Variants in ADCY9 observed in about 807,000 individuals in gnomAD.
The protein encoded by ADCY9 is adenylate cyclase 9.
A neutral mutation model predicts 101.5 loss-of-function variants in ADCY9; 50 were observed. The observed-to-expected ratio is 0.49, with a 90% CI of 0.39 to 0.62. The LOEUF (loss-of-function observed/expected upper bound fraction) is 0.62, where lower values mean the gene tolerates loss of function less well. ADCY9 is among the 20% of genes least tolerant of loss of function. The pLI, the probability that ADCY9 is intolerant of heterozygous loss-of-function variation, is 0.00. For missense variants in ADCY9, 1,662 were observed against 1,800.4 expected (o/e 0.92, Z 1.39); for synonymous variants, 905 against 769.3 (o/e 1.18, Z -2.92).
In ADCY9 at chr16:4,114,088, G is replaced by C. The variant is rs2057131216; in HGVS notation, c.1355C>G (p.Pro452Arg). The C allele has an allele frequency of 6.2e-7, 1 of 1,613,676 alleles. No individual in the cohort carries two copies. Among genetic ancestry groups the C allele is most frequent in the African/African-American group, 1.3e-5 (1 of 74,888 alleles). Residue 452 changes from proline to arginine, a missense_variant, in exon 2 of 11, where the codon CCC becomes CGC. Pro to Arg is a moderately radical substitution (Grantham distance 103). Transcript: ENST00000294016. The surrounding 1 kb of genome is among the most constrained non-coding windows in gnomAD (Gnocchi z 4.3). ...GTAGGCATGGTCGGCCCGGGGCTCG[G>C]GACAGCCCGCCACGCAGTAGTAACA... ...GDCYYCVAGC[P>R]EPRADHAYCC...
chr16:4,106,765 G>A (rs879457091), intron 2 of ADCY9, among the ~76,000 whole-genome samples: 1 of 152,204 alleles, frequency 6.6e-6, no homozygotes, highest in Non-Finnish European at 1.5e-5. Context: ...GATTAATGTG[G>A]GTTGGTTGGT....
intron 7 of ADCY9, among the ~76,000 whole-genome samples, chr16:3,981,621 T>A (rs1056556797): frequency 6.6e-6 from 1 of 151,786 alleles, no homozygotes. Context: ...TGAGATGGAG[T>A]TTTGCTCGTC....
intron 2 of ADCY9, chr16:4,032,644 G>A (rs1442424984): frequency 8.6e-5 from 13 of 151,548 alleles, no homozygotes; most frequent in African/African-American, 2.9e-4. Context: ...CATGTAGCTG[G>A]GATTACAGGT....
intron 2 of ADCY9, among the ~76,000 whole-genome samples, chr16:4,079,226 T>A (rs557456937): frequency 1.3e-5 from 2 of 152,176 alleles, no homozygotes; most frequent in African/African-American, 4.8e-5. Flanking sequence ...TAAATTATAG[T>A]ACATCCCCAG....
chr16:4,056,742 T>C (rs946970632), intron 2 of ADCY9, among the ~76,000 whole-genome samples: 1 of 152,242 alleles, frequency 6.6e-6, no homozygotes, highest in Non-Finnish European at 1.5e-5. Context: ...CTGTGCCTAG[T>C]GCATAGTAAG....
Position 3,966,186 on chromosome 16 carries a change from G to C in ADCY9, c.3651C>G (p.Ser1217Arg). 7 of 1,614,200 alleles carry C rather than the reference G, an allele frequency of 4.3e-6. No homozygotes were observed. Among genetic ancestry groups the C allele is most frequent in the Non-Finnish European group, 5.9e-6 (7 of 1,180,038 alleles). The change falls in exon 11 of 11, where the codon AGC becomes AGG. Residue 1217 changes from serine to arginine, a missense_variant. Physicochemically the swap from Ser to Arg is moderately radical, Grantham distance 110. Around this residue, in one of 5 missense-constraint regions of ADCY9, gnomAD observed 220 missense variants for 312.9 expected, o/e 0.70. Transcript: ENST00000294016. ...QVSEESYRVL[S>R]KMGYDFDYRG... The stretch of plus-strand genomic sequence containing the variant: ...TGTAGTCGAAGTCATAGCCCATCTT[G>C]CTCAAGACGCGGTAGCTCTCTTCGC...
intron 2 of ADCY9, among the ~76,000 whole-genome samples, chr16:4,043,025 A>G (rs560110945): frequency 3.3e-5 from 5 of 151,912 alleles, no homozygotes; most frequent in Non-Finnish European, 5.9e-5. Context: ...AGGTCAGGAG[A>G]TCGAGACCAT....
intron 2 of ADCY9, among the ~76,000 whole-genome samples, chr16:4,069,528 C>T (rs2056820772): frequency 6.6e-6 from 1 of 151,830 alleles, no homozygotes; most frequent in Non-Finnish European, 1.5e-5. Context: ...AGAATATATT[C>T]TATGAACAAT....
chr16:3,965,595 G>C lies in ADCY9; in HGVS notation c.*180C>G. The C allele has an allele frequency of 1.6e-6, 1 of 644,640 alleles. No homozygotes were observed. The highest frequency in any genetic ancestry group is 2.6e-6 in the Non-Finnish European group (1 of 377,958). 39.9% of individuals were successfully genotyped at this position (644,640 alleles called of 1,614,324 possible). ...GGTTTCCAGGGAAGGGAGCGAAAGG[G>C]AAGAATGGATGAAAATGAACCCTGA... On this transcript the variant is annotated 3_prime_UTR_variant, in exon 11 of 11. Transcript: ENST00000294016.
chr16:4,113,605 T>C, intron 2 of ADCY9, 145 bp downstream of exon 2: 1 of 1,108,578 alleles, frequency 9.0e-7, no homozygotes, highest in South Asian at 1.6e-5. Flanking sequence ...GAAAGAAAAG[T>C]CACACTGACC....
chr16:4,004,837 T>C (rs1330958118), intron 3 of ADCY9, among the ~76,000 whole-genome samples: 1 of 152,182 alleles, frequency 6.6e-6, no homozygotes, highest in Non-Finnish European at 1.5e-5. Context: ...GAACGGTGAA[T>C]GCAGACAGGA....
chr16:4,061,964 T>A (rs1289709267), intron 2 of ADCY9, among the ~76,000 whole-genome samples: 3 of 152,182 alleles, frequency 2.0e-5, no homozygotes, highest in Non-Finnish European at 4.4e-5. Flanking sequence ...TAGATAGACA[T>A]AGACATTTAA....
chr16:3,953,804 C>T (rs2055893745), intron 5 of ADCY9, among the ~76,000 whole-genome samples: 1 of 152,212 alleles, frequency 6.6e-6, no homozygotes, highest in African/African-American at 2.4e-5. Context: ...TTGCAGCCAT[C>T]CAACACCACG....
At chr16:4,024,559 C>T (rs2056501324) in intron 2 of ADCY9, among the ~76,000 whole-genome samples, 1 of 152,052 alleles carries the variant, frequency 6.6e-6, no homozygotes, top group Admixed American at 6.6e-5. Flanking sequence ...GGATCCCACG[C>T]GGCTGGCTGG....
At chr16:4,088,008 C>G (rs544073019) in intron 2 of ADCY9, among the ~76,000 whole-genome samples, 75 of 151,034 alleles carry the variant, frequency 5.0e-4, no homozygotes, top group African/African-American at 1.7e-3. Context: ...TGAGCTCAAG[C>G]AATGCTCCTG....
chr16:4,056,064 C>T (rs1346204158), intron 2 of ADCY9, among the ~76,000 whole-genome samples: 1 of 152,148 alleles, frequency 6.6e-6, no homozygotes, highest in Non-Finnish European at 1.5e-5. Context: ...GAGCTCCCAG[C>T]CGGTGTTGTG....
chr16:3,985,167 G>A (rs1414154381), intron 6 of ADCY9, among the ~76,000 whole-genome samples: 1 of 131,668 alleles, frequency 7.6e-6, no homozygotes, highest in Non-Finnish European at 1.6e-5. Context: ...TTTTGAGATG[G>A]GATCTGGCTG....
At chr16:4,060,473 A>G (rs1160254091) in intron 2 of ADCY9, among the ~76,000 whole-genome samples, 2 of 152,234 alleles carry the variant, frequency 1.3e-5, no homozygotes, top group Non-Finnish European at 2.9e-5. Context: ...AATTCTGAAC[A>G]TGTCCCTAAA....
Position 3,993,496 on chromosome 16 carries a change from G to C in ADCY9, c.1899C>G (p.Cys633Trp). 6.2e-7 allele frequency: 1 copy of C among 1,614,054 alleles called. No homozygotes were observed. Among genetic ancestry groups the C allele is most frequent in the Non-Finnish European group, 8.5e-7 (1 of 1,180,004 alleles). Residue 633 changes from cysteine to tryptophan, a missense_variant, in exon 4 of 11, where the codon TGC becomes TGG. This residue lies in a region of ADCY9 where 624 missense variants were observed against 639.1 expected (regional missense o/e 0.98). Coordinates refer to ENST00000294016, the MANE Select transcript of ADCY9 (RefSeq NM_001116.4). The stretch of plus-strand genomic sequence containing the variant: ...CAGATTTGGGAGCAAATGTGATTCC[G>C]CACGAAGGGCAGGTCTAGAAGAAAA... ...TFDNLKTCPS[C>W]GITFAPKSEA...
Sources: gnomAD v4.1 joint callset for allele counts (sites outside exome capture counted in the v4.1 genomes callset) on GRCh38, gnomAD v4.1.1 for gene constraint, gnomAD v4.1.1 regional missense constraint, Gnocchi (gnomAD v3.1) non-coding constraint, MANE v1.5 for transcripts, NCBI Gene and HGNC (gene_info 2026-07-23, HGNC 2026-07-21) for gene names.